RANBP2: variants seen among roughly 807,000 people sequenced by gnomAD.
The protein encoded by RANBP2 is E3 SUMO-protein ligase RanBP2.
A neutral mutation model predicts 303.6 loss-of-function variants in RANBP2; 57 were observed. That is an observed-to-expected ratio of 0.19 (90% CI 0.15 to 0.23). The LOEUF (loss-of-function observed/expected upper bound fraction) is 0.23, where lower values mean the gene tolerates loss of function less well. Among genes scored for constraint, RANBP2 ranks in the 10% least tolerant of loss-of-function variants. RANBP2 has a pLI of 1.00. For missense variants in RANBP2, 3,138 were observed against 3,780.8 expected (o/e 0.83, Z 4.46); for synonymous variants, 1,167 against 1,301.5 (o/e 0.90, Z 2.23).
chr2:109,006,554 G>A, the RANBP2 span, among the ~76,000 whole-genome samples: 2 of 152,278 alleles, frequency 1.3e-5, no homozygotes, highest in Admixed American at 1.3e-4. Flanking sequence ...TGTATTTTCA[G>A]GTTAAAATAC....
chr2:109,014,117 T>C, the RANBP2 span, among the ~76,000 whole-genome samples: 1 of 152,298 alleles, frequency 6.6e-6, no homozygotes, highest in South Asian at 2.1e-4. Context: ...ATAAATTGAT[T>C]TTTTAGTAAG....
intron 4 of RANBP2, among the ~76,000 whole-genome samples, chr2:108,732,148 G>T (rs1205312180): frequency 6.6e-6 from 1 of 152,032 alleles, no homozygotes; most frequent in African/African-American, 2.4e-5. Context: ...ATGTATATTT[G>T]CCTTTAGCCT....
chr2:108,755,118 A>G (rs1676198052), intron 16 of RANBP2, 34 bp downstream of exon 16: 4 of 1,611,838 alleles, frequency 2.5e-6, no homozygotes, highest in Non-Finnish European at 3.4e-6. Flanking sequence ...TTTCATTGTG[A>G]AATTGTTTCT....
the RANBP2 span, among the ~76,000 whole-genome samples, chr2:109,158,587 G>A: frequency 2.0e-5 from 3 of 152,264 alleles, no homozygotes; most frequent in Admixed American, 6.5e-5. Flanking sequence ...TCTTCACCTC[G>A]CTGCCTGGGA....
the RANBP2 span, among the ~76,000 whole-genome samples, chr2:109,189,224 T>C: frequency 6.6e-6 from 1 of 151,694 alleles, no homozygotes; most frequent in Non-Finnish European, 1.5e-5. Flanking sequence ...GGCTCTGGTG[T>C]GTTCAGAAGG....
the RANBP2 span, among the ~76,000 whole-genome samples, chr2:109,335,062 C>G: frequency 6.6e-6 from 1 of 152,250 alleles, no homozygotes; most frequent in Non-Finnish European, 1.5e-5. Flanking sequence ...ACGGTTTTGT[C>G]TCTGCCTGGG....
chr2:109,526,111 G>C, the RANBP2 span, among the ~76,000 whole-genome samples: 1 of 152,142 alleles, frequency 6.6e-6, no homozygotes, highest in Admixed American at 6.5e-5. Context: ...GGCACAGTAA[G>C]CACCAGACTA....
the RANBP2 span, among the ~76,000 whole-genome samples, chr2:108,904,715 C>T: frequency 0.02 from 3,083 of 152,152 alleles, 90 homozygotes; most frequent in African/African-American, 0.071. Flanking sequence ...CCATTCACCA[C>T]GGTTACATAC....
chr2:109,135,099 TGTCACA>T, the RANBP2 span, among the ~76,000 whole-genome samples: 1 of 152,218 alleles, frequency 6.6e-6, no homozygotes, highest in African/African-American at 2.4e-5. Flanking sequence ...TGGCTTCAGG[TGTCACA>T]GTCCCATGAC....
At chr2:109,514,289 C>T in the RANBP2 span, among the ~76,000 whole-genome samples, 4 of 152,174 alleles carry the variant, frequency 2.6e-5, no homozygotes, top group African/African-American at 4.8e-5. Context: ...CTGGTAAATA[C>T]GGAGTTTCTG....
the RANBP2 span, among the ~76,000 whole-genome samples, chr2:109,258,180 G>C: frequency 1.3e-5 from 2 of 152,218 alleles, no homozygotes; most frequent in African/African-American, 4.8e-5. Context: ...GCTTACGAAA[G>C]AGTAAACTTA....
the RANBP2 span, among the ~76,000 whole-genome samples, chr2:109,510,116 T>TGC: frequency 3.3e-5 from 5 of 152,128 alleles, no homozygotes; most frequent in African/African-American, 1.2e-4. Context: ...ACGGTGTGTG[T>TGC]GCACACCCCA....
At chr2:109,466,485 T>C in the RANBP2 span, among the ~76,000 whole-genome samples, 14 of 152,250 alleles carry the variant, frequency 9.2e-5, no homozygotes, top group African/African-American at 3.1e-4. Flanking sequence ...ATTTTAGATA[T>C]ACCACAGTGG....
chr2:109,588,580 G>T, the RANBP2 span, among the ~76,000 whole-genome samples: 1 of 151,800 alleles, frequency 6.6e-6, no homozygotes, highest in Non-Finnish European at 1.5e-5. Flanking sequence ...TGCAACCTCC[G>T]CCCCCCAGGT....
At chr2:109,544,938 C>T in the RANBP2 span, 1 of 984,058 alleles carries the variant, frequency 1.0e-6, no homozygotes. Flanking sequence ...AAAAAACAAA[C>T]AAACAAACAA....
At chr2:109,565,776 C>G in the RANBP2 span, 1 of 1,613,796 alleles carries the variant, frequency 6.2e-7, no homozygotes, top group Non-Finnish European at 8.5e-7. Context: ...GTACAACACC[C>G]CAAGGGTACT....
chr2:109,318,617 C>T, the RANBP2 span, among the ~76,000 whole-genome samples: 1 of 152,226 alleles, frequency 6.6e-6, no homozygotes, highest in African/African-American at 2.4e-5. Context: ...CTCATGCTCA[C>T]ACTGGGGGCA....
chr2:108,924,869 G>A, the RANBP2 span, among the ~76,000 whole-genome samples: 2 of 152,234 alleles, frequency 1.3e-5, no homozygotes, highest in Non-Finnish European at 2.9e-5. Context: ...TGTCTGCCAC[G>A]TGGCCTTGTG....
chr2:108,747,528 CT>C (rs201034941), intron 8 of RANBP2, among the ~76,000 whole-genome samples: 5 of 152,110 alleles, frequency 3.3e-5, no homozygotes, highest in Non-Finnish European at 7.4e-5. Flanking sequence ...CCATAGCTCA[CT>C]TTTTTTTGTG....
Sources: gnomAD v4.1 joint callset for allele counts (sites outside exome capture counted in the v4.1 genomes callset) on GRCh38, gnomAD v4.1.1 for gene constraint, MANE v1.5 for transcripts, NCBI Gene and HGNC (gene_info 2026-07-23, HGNC 2026-07-21) for gene names.